Variants in RABGAP1L observed in about 807,000 individuals in gnomAD.
RABGAP1L encodes the protein rab GTPase-activating protein 1-like.
A neutral mutation model predicts 137.7 loss-of-function variants in RABGAP1L; 63 were observed. The observed-to-expected ratio is 0.46, with a 90% confidence interval of 0.37 to 0.56. RABGAP1L has a LOEUF of 0.56. Among genes scored for constraint, RABGAP1L ranks in the 20% least tolerant of loss-of-function variants. The pLI is 0.00. For synonymous variants in RABGAP1L, 431 were observed against 433.7 expected (o/e 0.99, Z 0.08); for missense variants, 1,095 against 1,244.0 (o/e 0.88, Z 1.80).
intron 13 of RABGAP1L, among the ~76,000 whole-genome samples, chr1:174,445,854 G>C (rs1034282576): frequency 6.6e-6 from 1 of 152,162 alleles, no homozygotes; most frequent in Admixed American, 6.5e-5. Context: ...GCTATAAGGA[G>C]AATACCTTGA....
At chr1:174,921,504 T>G (rs1396763206) in intron 19 of RABGAP1L, among the ~76,000 whole-genome samples, 1 of 152,236 alleles carries the variant, frequency 6.6e-6, no homozygotes, top group African/African-American at 2.4e-5. Flanking sequence ...ATGGGCATAC[T>G]CTTTCCTATA....
rs117916900 is a variant in RABGAP1L at position 174,412,829 on chromosome 1, C to T, written c.1710+18684C>T. On this transcript the variant is annotated intron_variant, in intron 13 of 25. Coordinates refer to ENST00000681986, the MANE Select transcript of RABGAP1L (RefSeq NM_001366446.1). ...CTTGTAATGTTTCTGATGAAAAGTCCACTGTTAGCCTGATGGGGTTCCCTT... is the reference window on the plus strand; with the variant it reads ...CTTGTAATGTTTCTGATGAAAAGTCTACTGTTAGCCTGATGGGGTTCCCTT... Among the ~76,000 whole-genome samples the T allele has an allele frequency of 3.3e-4, 50 of 152,206 alleles. No homozygotes were observed. In the East Asian group the frequency reaches 8.5e-3, roughly 26 times the overall value.
intron 11 of RABGAP1L, among the ~76,000 whole-genome samples, chr1:174,337,483 T>C (rs1681590037): frequency 6.6e-6 from 1 of 152,102 alleles, no homozygotes. Flanking sequence ...CACAGAAACA[T>C]AGAACATTAT....
intron 1 of RABGAP1L, among the ~76,000 whole-genome samples, chr1:174,184,328 A>C (rs1378569955): frequency 1.3e-5 from 2 of 152,140 alleles, no homozygotes; most frequent in African/African-American, 4.8e-5. Context: ...GCAAGGTTTG[A>C]CAGTTATGAA....
intron 13 of RABGAP1L, among the ~76,000 whole-genome samples, chr1:174,438,819 A>T (rs1224013423): frequency 1.4e-5 from 2 of 143,916 alleles, no homozygotes; most frequent in Non-Finnish European, 3.0e-5. Context: ...TAGTTTTCAG[A>T]GTAGAGGTTT....
At chr1:174,167,489 G>C (rs1665011180) in intron 1 of RABGAP1L, among the ~76,000 whole-genome samples, 1 of 152,158 alleles carries the variant, frequency 6.6e-6, no homozygotes, top group Admixed American at 6.6e-5. Flanking sequence ...AAGTGTTCTA[G>C]CTCTTTGAAG....
intron 11 of RABGAP1L, among the ~76,000 whole-genome samples, chr1:174,329,771 C>A (rs1558137889): frequency 6.6e-6 from 1 of 151,146 alleles, no homozygotes; most frequent in African/African-American, 2.5e-5. Flanking sequence ...TGACAGACTT[C>A]ATCTTTTTGT....
chr1:174,599,814 G>A (rs1465299719), intron 13 of RABGAP1L, among the ~76,000 whole-genome samples: 2 of 152,050 alleles, frequency 1.3e-5, no homozygotes, highest in Admixed American at 6.6e-5. Context: ...TCTTCTTTGG[G>A]TTAAATCTGC....
intron 19 of RABGAP1L, among the ~76,000 whole-genome samples, chr1:174,882,910 C>T (rs1047756398): frequency 4.4e-4 from 67 of 152,070 alleles, no homozygotes; most frequent in Non-Finnish European, 8.8e-5. Flanking sequence ...ACTGCAACCT[C>T]CGCCTCCCAG....
intron 7 of RABGAP1L, among the ~76,000 whole-genome samples, chr1:174,270,817 T>C (rs1674502662): frequency 6.6e-6 from 1 of 152,138 alleles, no homozygotes; most frequent in Non-Finnish European, 1.5e-5. Flanking sequence ...CCCTATAATA[T>C]AGAACATTGT....
intron 13 of RABGAP1L, among the ~76,000 whole-genome samples, chr1:174,611,963 C>T (rs1404128399): frequency 6.6e-6 from 1 of 152,162 alleles, no homozygotes; most frequent in African/African-American, 2.4e-5. Flanking sequence ...TGGGCTGAGA[C>T]ATTGGGGTTT....
At chr1:174,582,357 A>G (rs1038833518) in intron 13 of RABGAP1L, among the ~76,000 whole-genome samples, 1 of 152,194 alleles carries the variant, frequency 6.6e-6, no homozygotes, top group Non-Finnish European at 1.5e-5. Context: ...AACATCTTGA[A>G]GTTGAGGCTT....
chr1:174,832,827 T>A (rs1427363274), intron 19 of RABGAP1L, among the ~76,000 whole-genome samples: 3 of 152,226 alleles, frequency 2.0e-5, no homozygotes, highest in Non-Finnish European at 4.4e-5. Context: ...CCATTTTTGT[T>A]TGAAAGCAGT....
intron 4 of RABGAP1L, among the ~76,000 whole-genome samples, chr1:174,234,857 C>A: frequency 6.9e-6 from 1 of 144,968 alleles, no homozygotes; most frequent in Non-Finnish European, 1.5e-5. Context: ...TTACCTTGGG[C>A]AGTATGGCCA....
At chr1:174,966,731 C>T (rs1669662234) in intron 20 of RABGAP1L, among the ~76,000 whole-genome samples, 1 of 152,204 alleles carries the variant, frequency 6.6e-6, no homozygotes, top group South Asian at 2.1e-4. Context: ...TCTACAAGAG[C>T]ATTCACAGTC....
intron 17 of RABGAP1L, among the ~76,000 whole-genome samples, chr1:174,705,007 G>A (rs1679944568): frequency 6.6e-6 from 1 of 151,974 alleles, no homozygotes; most frequent in South Asian, 2.1e-4. Context: ...GGAAAGTGGG[G>A]GTATGACATT....
intron 13 of RABGAP1L, among the ~76,000 whole-genome samples, chr1:174,633,539 A>T (rs945680342): frequency 1.3e-5 from 2 of 149,154 alleles, no homozygotes; most frequent in Admixed American, 1.3e-4. Flanking sequence ...ACTACTTTAA[A>T]GTTCATATGG....
At chr1:174,659,211 G>A (rs1307850005) in intron 14 of RABGAP1L, among the ~76,000 whole-genome samples, 6 of 143,496 alleles carry the variant, frequency 4.2e-5, no homozygotes, top group Non-Finnish European at 6.0e-5. Flanking sequence ...GTGTGTTACC[G>A]ATGAAGATAC....
At chr1:174,968,603 A>T (rs1334147926) in intron 20 of RABGAP1L, among the ~76,000 whole-genome samples, 1 of 151,900 alleles carries the variant, frequency 6.6e-6, no homozygotes, top group Admixed American at 6.6e-5. Context: ...GGGAGCAGAA[A>T]TCCTCAGTAA....
Sources: allele counts gnomAD v4.1 joint callset (sites outside exome capture counted in the v4.1 genomes callset), GRCh38; gene constraint gnomAD v4.1.1; transcripts MANE v1.5; gene names NCBI Gene and HGNC (gene_info 2026-07-23, HGNC 2026-07-21).